SCN9A: variants seen among roughly 807,000 people sequenced by gnomAD.
SCN9A encodes sodium channel protein type 9 subunit alpha.
SCN9A carries 131 observed loss-of-function variants against 187.0 expected under a neutral mutation model. That is an observed-to-expected ratio of 0.70 (90% CI 0.61 to 0.81). The LOEUF is 0.81. SCN9A is among the 30% of genes least tolerant of loss of function. The pLI is 0.00. For missense variants in SCN9A, 2,252 were observed against 2,396.6 expected, an observed-to-expected ratio of 0.94 and a Z score of 1.26; for synonymous variants, 809 against 808.6, an observed-to-expected ratio of 1.00 and a Z score of -0.01.
chr2:166,257,865 T>C (rs1334387237), intron 17 of SCN9A, among the ~76,000 whole-genome samples: 2 of 151,530 alleles, frequency 1.3e-5, no homozygotes, highest in Non-Finnish European at 3.0e-5. Context: ...AATAGTTTTC[T>C]ATGAGAATAT....
chr2:166,229,488 C>T (rs929103083), intron 21 of SCN9A, among the ~76,000 whole-genome samples: 67 of 152,056 alleles, frequency 4.4e-4, no homozygotes, highest in African/African-American at 1.3e-3. Context: ...GGAATTATGA[C>T]TGGACATCAT....
In SCN9A at chr2:166,235,771, T is replaced by C. The variant is rs565690069; in HGVS notation, c.3802-2309A>G. Reference sequence around the variant, plus strand: ...TTGTGTGGAGCTTTACTCTCTGTGCTTTGCATTATATTTGTTCGTTTCCAA... The same window carrying C: ...TTGTGTGGAGCTTTACTCTCTGTGCCTTGCATTATATTTGTTCGTTTCCAA... On this transcript the variant is annotated intron_variant, in intron 20 of 26. Transcript: ENST00000642356. 3.9e-5 allele frequency among the ~76,000 whole-genome samples: 6 copies of C among 152,294 alleles called. No individual in the cohort carries two copies. The East Asian group carries it at 1.2e-3, about 29-fold the overall frequency.
At chr2:166,249,932 A>G (rs1255532376) in intron 18 of SCN9A, among the ~76,000 whole-genome samples, 3 of 152,110 alleles carry the variant, frequency 2.0e-5, no homozygotes, top group Admixed American at 1.3e-4. Context: ...ATATACTGCT[A>G]ATAAATTTCT....
chr2:166,241,726 G>A (rs544022510), intron 19 of SCN9A, among the ~76,000 whole-genome samples: 14 of 152,136 alleles, frequency 9.2e-5, no homozygotes, highest in African/African-American at 3.1e-4. Flanking sequence ...TTTACACTTT[G>A]CTTACAAACA....
chr2:166,286,429 T>C lies in SCN9A; in HGVS notation c.1509A>G (p.Ser503=), dbSNP rs559502637. 6.2e-7 allele frequency: 1 copy of C among 1,613,970 alleles called. No individual in the cohort carries two copies. The highest frequency in any genetic ancestry group is 8.5e-7 in the Non-Finnish European group (1 of 1,179,858). Residue 503 remains serine (S), a synonymous_variant, in exon 11 of 27, where the codon TCA becomes TCG. Coordinates refer to ENST00000642356, the MANE Select transcript of SCN9A (RefSeq NM_001365536.1). The part of the protein sequence containing the change: ...EKGDAEKLSK[S]ESEDSIRRKS... ...TTCTTCTGATGCTGTCCTCTGATTC[T>C]GATTTCGACAATTTCTCAGCATCTC...
At chr2:166,309,099 C>A (rs893657633) in intron 2 of SCN9A, among the ~76,000 whole-genome samples, 3 of 151,638 alleles carry the variant, frequency 2.0e-5, no homozygotes, top group Non-Finnish European at 4.4e-5. Context: ...AGATATCATA[C>A]AGAAAAATAT....
At chr2:166,273,023 CAT>C (rs1490545316) in intron 16 of SCN9A, 148 bp from the exon 17 acceptor site, 1 of 440,936 alleles carries the variant, frequency 2.3e-6, no homozygotes, top group Non-Finnish European at 4.0e-6. Flanking sequence ...GATAAGACCA[CAT>C]GAGAGAGACA....
At chr2:166,233,035 C>A (rs1196441837) in intron 21 of SCN9A, among the ~76,000 whole-genome samples, 1 of 145,464 alleles carries the variant, frequency 6.9e-6, no homozygotes, top group East Asian at 2.0e-4. Flanking sequence ...TGCATATATA[C>A]TATTAGTATA....
At chr2:166,352,513 A>T (rs1433259666) in intron 1 of SCN9A, among the ~76,000 whole-genome samples, 1 of 152,220 alleles carries the variant, frequency 6.6e-6, no homozygotes, top group Non-Finnish European at 1.5e-5. Context: ...TGAAGTATAG[A>T]AATATTATTT....
intron 1 of SCN9A, among the ~76,000 whole-genome samples, chr2:166,358,363 C>T (rs1023146117): frequency 6.6e-6 from 1 of 152,104 alleles, no homozygotes; most frequent in African/African-American, 2.4e-5. Flanking sequence ...AGCCACCACA[C>T]CCGGCCGAAA....
rs528649971 is a variant in SCN9A at position 166,272,416 on chromosome 2, T to C, written c.3334A>G (p.Ser1112Gly). ...NAEELSSDSDSEYSKVRLNRS... is the reference protein window; with the variant it reads ...NAEELSSDSDGEYSKVRLNRS... ...ATTCTTACCACTTTGCTGTATTCAC[T>C]ATCCGAATCACTGCTAAGTTCCTCA... The change falls in exon 17 of 27, where the codon AGT becomes GGT. Residue 1112 changes from serine (S) to glycine (G), a missense_variant. Physicochemically the swap from Ser to Gly is moderately conservative, Grantham distance 56 (BLOSUM62 0). This residue lies in a region of SCN9A where 313 missense variants were observed against 295.3 expected (regional missense o/e 1.06). Transcript: ENST00000642356. The C allele has an allele frequency of 5.6e-6, 9 of 1,593,232 alleles. No homozygotes were observed. In the East Asian group the frequency reaches 1.1e-4, roughly 20 times the overall value.
At chr2:166,331,924 C>G (rs1322699597) in intron 1 of SCN9A, among the ~76,000 whole-genome samples, 1 of 152,024 alleles carries the variant, frequency 6.6e-6, no homozygotes, top group African/African-American at 2.4e-5. Flanking sequence ...TATCCAATAT[C>G]CAATCTTCCT....
chr2:166,206,755 G>A (rs1287742443), intron 24 of SCN9A, among the ~76,000 whole-genome samples: 1 of 151,994 alleles, frequency 6.6e-6, no homozygotes, highest in Non-Finnish European at 1.5e-5. Flanking sequence ...CATAAAAAAT[G>A]AATATAAACT....
At chr2:166,333,952 A>G (rs949507424) in intron 1 of SCN9A, among the ~76,000 whole-genome samples, 28 of 152,182 alleles carry the variant, frequency 1.8e-4, no homozygotes, top group African/African-American at 6.7e-4. Flanking sequence ...TAATACATTC[A>G]ACAACTCTTT....
intron 21 of SCN9A, 23 bp from the exon 22 acceptor site, chr2:166,228,995 G>A: frequency 1.9e-6 from 3 of 1,588,580 alleles, no homozygotes; most frequent in Non-Finnish European, 2.6e-6. Context: ...AGAAAGAAAA[G>A]CATGATTAGG....
At chr2:166,261,660 A>G (rs1164158934) in intron 17 of SCN9A, among the ~76,000 whole-genome samples, 1 of 151,960 alleles carries the variant, frequency 6.6e-6, no homozygotes, top group East Asian at 1.9e-4. Context: ...TCTCTGTTGC[A>G]TGCAGTTAAA....
intron 1 of SCN9A, among the ~76,000 whole-genome samples, chr2:166,314,849 G>A (rs1226141623): frequency 6.6e-6 from 1 of 152,136 alleles, no homozygotes; most frequent in Non-Finnish European, 1.5e-5. Context: ...AGAGTATGGG[G>A]CTTCTTTTGG....
At chr2:166,337,576 G>T (rs1020277709) in intron 1 of SCN9A, among the ~76,000 whole-genome samples, 2 of 152,068 alleles carry the variant, frequency 1.3e-5, no homozygotes, top group African/African-American at 4.8e-5. Context: ...CAGCTTGAAT[G>T]GAAGTATTTT....
rs1161853701 is a variant in SCN9A at position 166,364,663 on chromosome 2, G to A, written c.-51+11034C>T. 2.6e-5 allele frequency among the ~76,000 whole-genome samples: 4 copies of A among 152,220 alleles called. No individual in the cohort carries two copies. The East Asian group carries it at 7.7e-4, about 29-fold the overall frequency. The stretch of plus-strand genomic sequence containing the variant: ...TAGAGAAAGTAGAATAGTGGTTACT[G>A]GGTGATAGGGGAAGAGAGGAGTGTG... On this transcript the variant is annotated intron_variant, in intron 1 of 26. Transcript: ENST00000642356.
Sources: allele counts gnomAD v4.1 joint callset (sites outside exome capture counted in the v4.1 genomes callset), GRCh38; gene constraint gnomAD v4.1.1; regional missense constraint gnomAD v4.1.1; transcripts MANE v1.5; gene names NCBI Gene and HGNC (gene_info 2026-07-23, HGNC 2026-07-21).